Variants in MAD1L1 observed in about 807,000 individuals in gnomAD.
MAD1L1 encodes the protein mitotic spindle assembly checkpoint protein MAD1.
In MAD1L1, 95 loss-of-function variants were observed where a neutral mutation model predicts 96.9. The observed-to-expected ratio is 0.98, with a 90% CI of 0.83 to 1.16. The LOEUF is 1.16. MAD1L1 is among the 50% of genes most tolerant of loss of function. The probability of loss-of-function intolerance (pLI) is 0.00; values close to 1 mark genes in which losing one functional copy is unlikely to be tolerated. For missense variants in MAD1L1, 1,007 were observed against 954.4 expected (o/e 1.06, Z -0.73); for synonymous variants, 473 against 396.6 (o/e 1.19, Z -2.29).
chr7:2,106,695 G>A (rs569423921), intron 11 of MAD1L1, among the ~76,000 whole-genome samples: 56 of 152,340 alleles, frequency 3.7e-4, no homozygotes, highest in Non-Finnish European at 5.1e-4. Context: ...GCACTGGAAC[G>A]TGTTGTCCCG....
chr7:2,080,179 G>C (rs1166550334), intron 11 of MAD1L1, among the ~76,000 whole-genome samples: 2 of 152,244 alleles, frequency 1.3e-5, no homozygotes, highest in East Asian at 3.8e-4. Flanking sequence ...TGGTTGTAAG[G>C]AAAGTTTTCC....
At chr7:1,964,024 C>T (rs1246000694) in intron 15 of MAD1L1, among the ~76,000 whole-genome samples, 1 of 152,204 alleles carries the variant, frequency 6.6e-6, no homozygotes, top group Non-Finnish European at 1.5e-5. Context: ...CAGGGAAGTC[C>T]TGGTGCCTGA....
chr7:2,033,123 C>G (rs1466548078), intron 12 of MAD1L1, among the ~76,000 whole-genome samples: 2 of 152,248 alleles, frequency 1.3e-5, no homozygotes, highest in Non-Finnish European at 2.9e-5. Flanking sequence ...CCCAGCACCC[C>G]ACTCATACAC....
At chr7:2,100,530 G>T (rs1317291479) in intron 11 of MAD1L1, among the ~76,000 whole-genome samples, 1 of 152,242 alleles carries the variant, frequency 6.6e-6, no homozygotes, top group Non-Finnish European at 1.5e-5. Context: ...GTCCTGGCAG[G>T]ACAAGCCCTG....
At chr7:1,952,546 C>T (rs1043317652) in intron 16 of MAD1L1, among the ~76,000 whole-genome samples, 4 of 151,260 alleles carry the variant, frequency 2.6e-5, no homozygotes, top group Non-Finnish European at 4.4e-5. Flanking sequence ...CCTTGGCCCC[C>T]GCTGTGCCCT....
intron 11 of MAD1L1, among the ~76,000 whole-genome samples, chr7:2,083,195 A>C (rs1785740317): frequency 6.6e-6 from 1 of 152,238 alleles, no homozygotes; most frequent in African/African-American, 2.4e-5. Context: ...CGGAATTATT[A>C]GTTTCCCTTT....
chr7:1,904,290 C>A (rs571019009), intron 17 of MAD1L1, among the ~76,000 whole-genome samples: 1 of 147,262 alleles, frequency 6.8e-6, no homozygotes, highest in South Asian at 2.2e-4. Context: ...ACGCAGTGGC[C>A]TATGGAAGAC....
At chr7:2,209,141 C>T (rs1026894129) in intron 10 of MAD1L1, among the ~76,000 whole-genome samples, 2 of 152,158 alleles carry the variant, frequency 1.3e-5, no homozygotes, top group Non-Finnish European at 2.9e-5. Context: ...TCACATGTGC[C>T]CAGGCCTGTG....
chr7:1,998,392 G>A (rs556141754), intron 14 of MAD1L1, among the ~76,000 whole-genome samples: 34 of 152,344 alleles, frequency 2.2e-4, no homozygotes, highest in African/African-American at 7.0e-4. Flanking sequence ...TGCAGGTGCC[G>A]GGCAGGTGGC....
At chr7:2,195,195 G>A (rs995482764) in intron 10 of MAD1L1, among the ~76,000 whole-genome samples, 10 of 152,076 alleles carry the variant, frequency 6.6e-5, no homozygotes, top group South Asian at 2.1e-4. Flanking sequence ...CTAAGCTCTC[G>A]TAAACAATAA....
chr7:2,195,295 G>A (rs921019422), intron 10 of MAD1L1, among the ~76,000 whole-genome samples: 1 of 152,108 alleles, frequency 6.6e-6, no homozygotes, highest in Admixed American at 6.6e-5. Flanking sequence ...TTTCTTATCC[G>A]AGTCAATAAA....
chr7:1,897,863 C>T (rs1279094447), intron 18 of MAD1L1, among the ~76,000 whole-genome samples: 1 of 152,232 alleles, frequency 6.6e-6, no homozygotes, highest in Non-Finnish European at 1.5e-5. Context: ...CCCCAGGCAC[C>T]ACTGCCTCTG....
chr7:2,111,208 T>C (rs1787362690), intron 11 of MAD1L1, among the ~76,000 whole-genome samples: 1 of 152,132 alleles, frequency 6.6e-6, no homozygotes, highest in African/African-American at 2.4e-5. Flanking sequence ...CCCCACACCA[T>C]GCGGTCTGTG....
intron 18 of MAD1L1, among the ~76,000 whole-genome samples, chr7:1,870,709 C>T (rs1209325827): frequency 1.4e-5 from 2 of 148,090 alleles, no homozygotes; most frequent in East Asian, 4.1e-4. Context: ...ATACACCTGC[C>T]ACACTGAACC....
chr7:1,826,126 G>A (rs576773544), intron 18 of MAD1L1, among the ~76,000 whole-genome samples: 2 of 152,300 alleles, frequency 1.3e-5, no homozygotes, highest in South Asian at 4.1e-4. Flanking sequence ...GTTAGACCGG[G>A]ATACCGAGGA....
intron 18 of MAD1L1, among the ~76,000 whole-genome samples, chr7:1,829,066 A>C (rs1257423668): frequency 2.0e-5 from 3 of 152,266 alleles, no homozygotes; most frequent in East Asian, 1.9e-4. Flanking sequence ...AAAGGAAAAA[A>C]CGGAAAGACA....
At chr7:2,081,952 G>A (rs1019390134) in intron 11 of MAD1L1, among the ~76,000 whole-genome samples, 3 of 152,240 alleles carry the variant, frequency 2.0e-5, no homozygotes, top group Non-Finnish European at 4.4e-5. Flanking sequence ...CAAGGTAGCA[G>A]CTTCCAGGGA....
chr7:2,112,930 G>A (rs1419558323), intron 11 of MAD1L1, among the ~76,000 whole-genome samples: 1 of 152,102 alleles, frequency 6.6e-6, no homozygotes, highest in Non-Finnish European at 1.5e-5. Context: ...AACTGTGAGA[G>A]CTCCCAGTGA....
chr7:1,824,836 C>T (rs1035633028), intron 18 of MAD1L1, among the ~76,000 whole-genome samples: 10 of 152,014 alleles, frequency 6.6e-5, no homozygotes, highest in African/African-American at 1.7e-4. Flanking sequence ...GAGAATCTGA[C>T]GCGTCCCAGG....
Sources: allele counts gnomAD v4.1 joint callset (sites outside exome capture counted in the v4.1 genomes callset), GRCh38; gene constraint gnomAD v4.1.1; transcripts MANE v1.5; gene names NCBI Gene and HGNC (gene_info 2026-07-23, HGNC 2026-07-21).